IMPACT: variants seen among roughly 807,000 people sequenced by gnomAD.
IMPACT encodes the protein protein IMPACT.
In IMPACT, 35 loss-of-function variants were observed where a neutral mutation model predicts 47.5. That is an observed-to-expected ratio of 0.74 (90% confidence interval 0.56 to 0.98). The LOEUF (loss-of-function observed/expected upper bound fraction) is 0.98, where lower values mean the gene tolerates loss of function less well. Among genes scored for constraint, IMPACT ranks in the 50% least tolerant of loss-of-function variants. The pLI, the probability that IMPACT is intolerant of heterozygous loss-of-function variation, is 0.00. For synonymous variants in IMPACT, 118 were observed against 125.6 expected (o/e 0.94, Z 0.40); for missense variants, 373 against 394.8 (o/e 0.94, Z 0.47).
In IMPACT at chr18:24,449,889, G is replaced by A. The variant is rs542157006; in HGVS notation, c.830G>A (p.Arg277His). The A allele has an allele frequency of 6.3e-5, 101 of 1,613,222 alleles. No homozygotes were observed. Among genetic ancestry groups the A allele is most frequent in the Non-Finnish European group, 7.5e-5 (89 of 1,179,354 alleles). ...GGAGGGATTCTGCTAGGACCAGATC[G>A]CTTTAAACATATCAACAACTGTGCC... ...WYGGILLGPD[R>H]FKHINNCARN... Residue 277 changes from arginine (R) to histidine (H), a missense_variant, in exon 10 of 11, where the codon CGC becomes CAC. Arg to His is a conservative substitution (Grantham distance 29). Coordinates refer to ENST00000284202, the MANE Select transcript of IMPACT (RefSeq NM_018439.4).
At chr18:24,443,901 C>G (rs565541907) in intron 7 of IMPACT, among the ~76,000 whole-genome samples, 16 of 152,144 alleles carry the variant, frequency 1.1e-4, no homozygotes, top group Non-Finnish European at 1.8e-4. Flanking sequence ...GAGGCAATTT[C>G]AATACTACCT....
rs746554129 is a variant in IMPACT, at chr18:24,440,577, C to G, written c.449C>G (p.Ser150Trp). 6.2e-7 allele frequency: 1 copy of G among 1,613,144 alleles called. No individual in the cohort carries two copies. The highest frequency in any genetic ancestry group is 8.5e-7 in the Non-Finnish European group (1 of 1,179,436). The part of the protein sequence containing the change: ...DLILACQPES[S>W]LKALDFDISE... ...ATTTTAGCATGTCAGCCGGAAAGTT[C>G]GCTTAAAGCATTGGATTTTGATATC... is the stretch of plus-strand genomic sequence containing the variant. The change falls in exon 6 of 11, where the codon TCG becomes TGG. Residue 150 changes from serine (S) to tryptophan (W), a missense_variant. Coordinates refer to ENST00000284202, the MANE Select transcript of IMPACT (RefSeq NM_018439.4).
rs751636128 is a variant in IMPACT, at chr18:24,440,601, T to C, written c.473T>C (p.Ile158Thr). 3.1e-6 allele frequency: 5 copies of C among 1,612,886 alleles called. No homozygotes were observed. Among genetic ancestry groups the C allele is most frequent in the East Asian group, 2.2e-5 (1 of 44,862 alleles). The change falls in exon 6 of 11, where the codon ATC becomes ACC. Residue 158 changes from isoleucine to threonine, a missense_variant. Coordinates refer to ENST00000284202, the MANE Select transcript of IMPACT (RefSeq NM_018439.4). ...TCGCTTAAAGCATTGGATTTTGATA[T>C]CAGTGAAACTCGGACAGGTATAATG... is the stretch of plus-strand genomic sequence containing the variant. ...ESSLKALDFD[I>T]SETRTEVEVE... is the part of the protein sequence containing the mutation.
At chr18:24,448,471 C>G (rs565116550) in intron 9 of IMPACT, among the ~76,000 whole-genome samples, 1 of 151,970 alleles carries the variant, frequency 6.6e-6, no homozygotes, top group African/African-American at 2.4e-5. Flanking sequence ...ATTTCCTTCT[C>G]TTTATTTTTT....
At chr18:24,447,153 G>A (rs1047964165) in intron 8 of IMPACT, among the ~76,000 whole-genome samples, 11 of 152,222 alleles carry the variant, frequency 7.2e-5, no homozygotes, top group Non-Finnish European at 2.9e-5. Context: ...TTGAGTGGAT[G>A]GATGGATGAA....
intron 4 of IMPACT, among the ~76,000 whole-genome samples, chr18:24,434,896 GTATATATA>G (rs781386408): frequency 0.25 from 17,998 of 73,102 alleles, 1,505 homozygotes; most frequent in African/African-American, 0.38. Context: ...ATATATATGT[GTATATATA>G]TGTGTGTGTA....
chr18:24,447,341 G>A (rs1406122130), intron 8 of IMPACT, among the ~76,000 whole-genome samples: 2 of 151,990 alleles, frequency 1.3e-5, no homozygotes, highest in Admixed American at 6.5e-5. Context: ...GATACCATTG[G>A]TAGGGCCCTA....
At chr18:24,444,492 TTCTC>T (rs965293335) in intron 7 of IMPACT, among the ~76,000 whole-genome samples, 4 of 152,194 alleles carry the variant, frequency 2.6e-5, no homozygotes, top group African/African-American at 9.6e-5. Context: ...TGTCATTCTG[TTCTC>T]TCTCTTATCC....
intron 8 of IMPACT, among the ~76,000 whole-genome samples, chr18:24,447,639 A>G (rs942270149): frequency 5.3e-5 from 8 of 152,174 alleles, no homozygotes; most frequent in Non-Finnish European, 8.8e-5. Flanking sequence ...TGTTGCCTTC[A>G]TCTTTTTTTT....
At chr18:24,429,824 G>A (rs1908706254) in intron 3 of IMPACT, among the ~76,000 whole-genome samples, 1 of 149,886 alleles carries the variant, frequency 6.7e-6, no homozygotes, top group South Asian at 2.1e-4. Flanking sequence ...CTGTCTCCTA[G>A]GCTGGAGTGC....
intron 4 of IMPACT, among the ~76,000 whole-genome samples, chr18:24,431,157 T>C (rs1465432602): frequency 6.6e-6 from 1 of 152,128 alleles, no homozygotes; most frequent in Non-Finnish European, 1.5e-5. Flanking sequence ...TGTGGTAAGT[T>C]CTATGAAAGG....
chr18:24,440,692 G>A, intron 6 of IMPACT, 74 bp downstream of exon 6: 1 of 1,272,668 alleles, frequency 7.9e-7, no homozygotes, highest in East Asian at 2.8e-5. Context: ...TGAGATGATA[G>A]AGAAATTTAC....
At chr18:24,437,596 C>G (rs1399707915) in intron 4 of IMPACT, among the ~76,000 whole-genome samples, 1 of 152,070 alleles carries the variant, frequency 6.6e-6, no homozygotes, top group Non-Finnish European at 1.5e-5. Context: ...AAAAAGCAAG[C>G]AGTGATCAGA....
chr18:24,434,831 AGTGTATATATATGT>A lies in IMPACT; in HGVS notation c.282-3107_282-3094del, dbSNP rs1908870627. ...TGTGTATATATATGTGTATTATATA[AGTGTATATATATGT>A]GTGTATATATATGTGTATATATATG... On this transcript the variant is annotated intron_variant, in intron 4 of 10. Transcript: ENST00000284202. 5.9e-5 allele frequency among the ~76,000 whole-genome samples: 8 copies of A among 134,976 alleles called. No individual in the cohort carries two copies. The South Asian group carries it at 1.4e-3, about 24-fold the overall frequency. 88.5% of individuals were successfully genotyped at this position (134,976 alleles called of 152,430 possible).
intron 9 of IMPACT, among the ~76,000 whole-genome samples, chr18:24,448,524 CT>C (rs1909302852): frequency 6.6e-6 from 1 of 151,932 alleles, no homozygotes; most frequent in South Asian, 2.1e-4. Flanking sequence ...GATATTGGAA[CT>C]TCTGGATAGA....
At chr18:24,438,187 AT>A (rs1908997452) in intron 5 of IMPACT, 147 bp downstream of exon 5, 2 of 522,258 alleles carry the variant, frequency 3.8e-6, no homozygotes, top group Non-Finnish European at 3.4e-6. Flanking sequence ...GAAAAGTTTA[AT>A]TGCTCATGTA....
At chr18:24,433,099 A>G (rs1192441699) in intron 4 of IMPACT, among the ~76,000 whole-genome samples, 1 of 148,372 alleles carries the variant, frequency 6.7e-6, no homozygotes, top group Non-Finnish European at 1.5e-5. Context: ...GGTCTTGTTT[A>G]TTTAATGCGC....
chr18:24,449,976 T>C (rs1464738450), intron 10 of IMPACT, 23 bp downstream of exon 10: 3 of 1,607,768 alleles, frequency 1.9e-6, no homozygotes, highest in South Asian at 2.2e-5. Context: ...TCGTACTACA[T>C]CTAGAGAATT....
At chr18:24,443,232 T>C (rs1909163761) in intron 7 of IMPACT, 80 bp downstream of exon 7, 1 of 616,746 alleles carries the variant, frequency 1.6e-6, no homozygotes, top group East Asian at 3.0e-5. Flanking sequence ...CCCCTTGTTT[T>C]TACTTTTATG....
Sources: gnomAD v4.1 joint callset for allele counts (sites outside exome capture counted in the v4.1 genomes callset) on GRCh38, gnomAD v4.1.1 for gene constraint, MANE v1.5 for transcripts, NCBI Gene and HGNC (gene_info 2026-07-23, HGNC 2026-07-21) for gene names.